The following ENOPH1 variants were observed in gnomAD, a reference collection of about 807,000 sequenced individuals.
ENOPH1 encodes enolase-phosphatase 1.
Under a neutral mutation model 31.1 loss-of-function variants are expected in ENOPH1, and 14 were observed. The observed-to-expected ratio is 0.45, with a 90% CI of 0.30 to 0.70. The LOEUF (loss-of-function observed/expected upper bound fraction) is 0.70, where lower values mean the gene tolerates loss of function less well. Ranked by LOEUF, ENOPH1 falls within the 30% of genes least tolerant of loss-of-function variation. The pLI, the probability that ENOPH1 is intolerant of heterozygous loss-of-function variation, is 0.09. For synonymous variants in ENOPH1, 127 were observed against 123.2 expected, an observed-to-expected ratio of 1.03 and a Z score of -0.21; for missense variants, 243 against 321.5, an observed-to-expected ratio of 0.76 and a Z score of 1.87.
rs1445816952 is a variant in ENOPH1, at chr4:82,460,832, T to G, written c.*712T>G. 6.6e-6 allele frequency: 1 copy of G among 152,256 alleles called. No homozygotes were observed. The highest frequency in any genetic ancestry group is 1.5e-5 in the Non-Finnish European group (1 of 68,046). The allele number at this position is 152,256 out of a possible 1,614,324, so 9.4% of individuals were successfully genotyped here. On this transcript the variant is annotated 3_prime_UTR_variant, in exon 6 of 6. Transcript: ENST00000273920. ...ACAGAACAGTTCTAATCCTGCCACGTGTTATCATTATAGATTTTATAGTTG... is the reference window on the plus strand; with the variant it reads ...ACAGAACAGTTCTAATCCTGCCACGGGTTATCATTATAGATTTTATAGTTG...
chr4:82,433,369 T>C (rs1721825921), intron 1 of ENOPH1, among the ~76,000 whole-genome samples: 1 of 152,220 alleles, frequency 6.6e-6, no homozygotes, highest in African/African-American at 2.4e-5. Flanking sequence ...CTTAGTTGCC[T>C]AAATAAATTT....
In ENOPH1 at chr4:82,456,955, TAG is replaced by T. The variant is rs746965234; in HGVS notation, c.568_569del (p.Ser190Ter). On this transcript the variant is annotated frameshift_variant, in exon 5 of 6. Transcript: ENST00000273920. LOFTEE classifies it high-confidence loss of function. ...TTTGATACCAAGATTGGACACAAAG[TAG>T]AGAGTGAAAGTTACCGAAAGATTGC... The T allele has an allele frequency of 6.2e-7, 1 of 1,613,988 alleles. No individual in the cohort carries two copies. The highest frequency in any genetic ancestry group is 2.2e-5 in the East Asian group (1 of 44,860).
chr4:82,448,126 T>C, intron 2 of ENOPH1, 105 bp downstream of exon 2: 1 of 695,926 alleles, frequency 1.4e-6, no homozygotes. Context: ...CCTGGTTTGA[T>C]AGGGGATAGA....
chr4:82,436,973 G>C (rs757251214), intron 1 of ENOPH1, among the ~76,000 whole-genome samples: 7 of 151,972 alleles, frequency 4.6e-5, no homozygotes, highest in Non-Finnish European at 8.8e-5. Flanking sequence ...TTCAGTATGG[G>C]CATGGTGGCT....
In ENOPH1 at chr4:82,430,804, C is replaced by T. The variant is rs763348810; in HGVS notation, c.-26C>T. 6 of 1,611,458 alleles carry T rather than the reference C, an allele frequency of 3.7e-6. No individual in the cohort carries two copies. In the South Asian group the frequency reaches 4.4e-5, roughly 12 times the overall value. On this transcript the variant is annotated 5_prime_UTR_variant, in exon 1 of 6. Coordinates refer to ENST00000273920, the MANE Select transcript of ENOPH1 (RefSeq NM_021204.5). ...CCCTCCGCCCTCCCCAACAGCAGGC[C>T]GAGTCCCGTAGCATCCGGTAGGGAA... is the stretch of plus-strand genomic sequence containing the variant.
chr4:82,446,868 G>A (rs1359797769), intron 1 of ENOPH1, among the ~76,000 whole-genome samples: 100 of 149,770 alleles, frequency 6.7e-4, no homozygotes, highest in African/African-American at 2.2e-3. Flanking sequence ...CACCGCGCCC[G>A]GCTAATTTTT....
chr4:82,456,805 G>A (rs1722501503), intron 4 of ENOPH1, 110 bp from the exon 5 acceptor site: 1 of 1,381,204 alleles, frequency 7.2e-7, no homozygotes, highest in South Asian at 1.5e-5. Flanking sequence ...TAGATTTTCA[G>A]AAAATACTGA....
chr4:82,449,626 C>T lies in ENOPH1; in HGVS notation c.187-1417C>T, dbSNP rs572923630. On this transcript the variant is annotated intron_variant, in intron 2 of 5. Transcript: ENST00000273920. ...AAACCATTCACGAGAAGTCTATCCC[C>T]GCGATCCAGTCACCTCCCACTAGGC... Among the ~76,000 whole-genome samples the T allele has an allele frequency of 2.1e-4, 32 of 152,254 alleles. No homozygotes were observed. The South Asian group carries it at 2.5e-3, about 12-fold the overall frequency.
At chr4:82,433,359 C>T (rs1721825562) in intron 1 of ENOPH1, among the ~76,000 whole-genome samples, 1 of 152,048 alleles carries the variant, frequency 6.6e-6, no homozygotes, top group Admixed American at 6.6e-5. Context: ...ATAAAAATGT[C>T]TTAGTTGCCT....
chr4:82,449,224 A>G (rs1722281694), intron 2 of ENOPH1, among the ~76,000 whole-genome samples: 1 of 152,178 alleles, frequency 6.6e-6, no homozygotes, highest in Non-Finnish European at 1.5e-5. Flanking sequence ...TGGGCTACAG[A>G]GCAAGACTCC....
intron 1 of ENOPH1, among the ~76,000 whole-genome samples, chr4:82,443,987 G>A (rs574446953): frequency 6.6e-6 from 1 of 152,072 alleles, no homozygotes; most frequent in Admixed American, 6.6e-5. Flanking sequence ...CGATTCTCCT[G>A]CCTCAGTCTC....
intron 3 of ENOPH1, among the ~76,000 whole-genome samples, chr4:82,452,676 C>T (rs1461647059): frequency 2.0e-5 from 3 of 151,980 alleles, no homozygotes. Context: ...AACCTCCGCC[C>T]TCTGGGTTCA....
intron 2 of ENOPH1, among the ~76,000 whole-genome samples, chr4:82,450,583 T>C (rs1012323560): frequency 2.6e-5 from 4 of 152,218 alleles, no homozygotes; most frequent in Admixed American, 2.6e-4. Context: ...ATGTGGGAGA[T>C]TATAGGAGAC....
intron 1 of ENOPH1, among the ~76,000 whole-genome samples, chr4:82,442,724 A>G (rs1722072289): frequency 6.6e-6 from 1 of 152,218 alleles, no homozygotes. Context: ...CAGTGTGTTA[A>G]ATATCCCCCC....
chr4:82,458,488 C>T (rs1213362187), intron 5 of ENOPH1, among the ~76,000 whole-genome samples: 1 of 151,954 alleles, frequency 6.6e-6, no homozygotes, highest in African/African-American at 2.4e-5. Flanking sequence ...CCAGCCTGAG[C>T]GACAGAGAGA....
intron 2 of ENOPH1, among the ~76,000 whole-genome samples, chr4:82,450,123 T>G (rs1269364403): frequency 6.6e-6 from 1 of 152,264 alleles, no homozygotes; most frequent in Non-Finnish European, 1.5e-5. Flanking sequence ...AATGTAGTTA[T>G]GTCCTTTGGG....
chr4:82,437,583 A>G (rs1375116981), intron 1 of ENOPH1, among the ~76,000 whole-genome samples: 1 of 152,242 alleles, frequency 6.6e-6, no homozygotes, highest in African/African-American at 2.4e-5. Context: ...CTGTGGGAAT[A>G]TGGAAGTAAG....
chr4:82,442,523 AAAAC>A (rs1435293424), intron 1 of ENOPH1, among the ~76,000 whole-genome samples: 9 of 151,356 alleles, frequency 5.9e-5, no homozygotes, highest in African/African-American at 2.2e-4. Flanking sequence ...CTGTCTCAAA[AAAAC>A]AAACAAAAAA....
intron 1 of ENOPH1, among the ~76,000 whole-genome samples, chr4:82,439,223 T>C (rs1721981602): frequency 6.6e-6 from 1 of 152,234 alleles, no homozygotes; most frequent in South Asian, 2.1e-4. Flanking sequence ...ATTTCTTAGC[T>C]TGATTTTCTT....
Sources: allele counts gnomAD v4.1 joint callset (sites outside exome capture counted in the v4.1 genomes callset), GRCh38; gene constraint gnomAD v4.1.1; transcripts MANE v1.5; gene names NCBI Gene and HGNC (gene_info 2026-07-23, HGNC 2026-07-21).